TYW1: variants seen among roughly 807,000 people sequenced by gnomAD.
The protein encoded by TYW1 is tRNA-yW synthesizing protein 1 homolog.
TYW1 carries 46 observed loss-of-function variants against 96.2 expected under a neutral mutation model. The ratio of observed to expected loss-of-function variants is 0.48; its 90% CI spans 0.38 to 0.61. TYW1 has a LOEUF of 0.61. Among genes scored for constraint, TYW1 ranks in the 20% least tolerant of loss-of-function variants. The pLI, the probability that TYW1 is intolerant of heterozygous loss-of-function variation, is 0.00. For synonymous variants in TYW1, 274 were observed against 323.0 expected, an observed-to-expected ratio of 0.85 and a Z score of 1.63; for missense variants, 684 against 909.6, an observed-to-expected ratio of 0.75 and a Z score of 3.19.
rs1801814366 is a variant in TYW1 at position 67,234,089 on chromosome 7, A to G, written c.1978-4219A>G. On this transcript the variant is annotated intron_variant, in intron 15 of 15. Coordinates refer to ENST00000359626, the MANE Select transcript of TYW1 (RefSeq NM_018264.4). Reference sequence around the variant, plus strand: ...GGGCTGGGTGCGGTGGCTCATGCCTATGATCCTAGCATTTTGGGAGATCAA... The same window carrying G: ...GGGCTGGGTGCGGTGGCTCATGCCTGTGATCCTAGCATTTTGGGAGATCAA... 1.5e-5 allele frequency among the ~76,000 whole-genome samples: 2 copies of G among 135,484 alleles called. 1 individual carries two copies. The highest frequency in any genetic ancestry group is 5.9e-5 in the African/African-American group (2 of 33,898). 88.9% of individuals were successfully genotyped at this position (135,484 alleles called of 152,430 possible).
At position 67,239,481 on chromosome 7, in the gene TYW1, A is replaced by G. The variant is rs1287939673; in HGVS notation, c.*952A>G. ...AGTTCTTTTAACAGTCTTTTATGCA[A>G]AAATTGAATTAATAAAATAATCTTT... On this transcript the variant is annotated 3_prime_UTR_variant, in exon 16 of 16. Coordinates refer to ENST00000359626, the MANE Select transcript of TYW1 (RefSeq NM_018264.4). 1 of 840,414 alleles carries G rather than the reference A, an allele frequency of 1.2e-6. No homozygotes were observed. The highest frequency in any genetic ancestry group is 1.4e-6 in the Non-Finnish European group (1 of 698,004). The allele number at this position is 840,414 out of a possible 1,614,324, so 52.1% of individuals were successfully genotyped here. A position where few individuals can be genotyped will look rare whatever the true frequency, so the allele number is the denominator to read the frequency against.
chr7:67,065,757 T>A lies in TYW1; in HGVS notation c.1156-1528T>A, dbSNP rs190912019. Among the ~76,000 whole-genome samples, 483 of 152,220 alleles carry A rather than the reference T, an allele frequency of 3.2e-3. 2 individuals are homozygous for A. Among genetic ancestry groups the A allele is most frequent in the Non-Finnish European group, 4.7e-3 (319 of 68,014 alleles). On this transcript the variant is annotated intron_variant, in intron 9 of 15. Transcript: ENST00000359626. Reference sequence around the variant, plus strand: ...TTCATTGTGGACAGGCTTATATTAATAACAGTACTTTGGGAGGTCGAGGTG... The same window carrying A: ...TTCATTGTGGACAGGCTTATATTAAAAACAGTACTTTGGGAGGTCGAGGTG...
At chr7:67,030,806 G>A (rs1221103110) in intron 7 of TYW1, among the ~76,000 whole-genome samples, 1 of 151,942 alleles carries the variant, frequency 6.6e-6, no homozygotes, top group Admixed American at 6.6e-5. Context: ...CCAAAAAGAC[G>A]TAGGAACCAA....
chr7:67,184,648 T>TTTTATTTATG (rs1799954820), intron 14 of TYW1, among the ~76,000 whole-genome samples: 1 of 44,338 alleles, frequency 2.3e-5, no homozygotes, highest in African/African-American at 1.0e-4. Flanking sequence ...TTTTATTTTA[T>TTTTATTTATG]TTATGTTATG....
At chr7:67,229,117 C>T (rs929722159) in intron 15 of TYW1, among the ~76,000 whole-genome samples, 18 of 152,174 alleles carry the variant, frequency 1.2e-4, no homozygotes, top group East Asian at 1.9e-4. Flanking sequence ...AAAAAGCTTT[C>T]GGCTCCCCTC....
chr7:67,235,151 A>G (rs77634321), intron 15 of TYW1, among the ~76,000 whole-genome samples: 4,334 of 152,256 alleles, frequency 0.028, 73 homozygotes, highest in Non-Finnish European at 0.041. Context: ...GAGTATGGTC[A>G]TCTCTTGTCT....
At chr7:67,182,906 T>C (rs1312200897) in intron 13 of TYW1, among the ~76,000 whole-genome samples, 1 of 151,540 alleles carries the variant, frequency 6.6e-6, no homozygotes, top group Non-Finnish European at 1.5e-5. Flanking sequence ...GAAGAGAAAA[T>C]AAATATGTCA....
chr7:67,156,476 T>C (rs2116194003), intron 13 of TYW1, among the ~76,000 whole-genome samples: 1 of 152,344 alleles, frequency 6.6e-6, no homozygotes, highest in Admixed American at 6.5e-5. Context: ...TTGCTACTGG[T>C]GACTGTGGCC....
chr7:67,005,965 C>A (rs111332219), intron 3 of TYW1, among the ~76,000 whole-genome samples: 47 of 152,256 alleles, frequency 3.1e-4, no homozygotes, highest in African/African-American at 1.1e-3. Flanking sequence ...CATGGTTCTC[C>A]CAGTTCCTTT....
At chr7:67,149,728 A>G (rs1014201724) in intron 13 of TYW1, among the ~76,000 whole-genome samples, 4 of 118,282 alleles carry the variant, frequency 3.4e-5, no homozygotes, top group Non-Finnish European at 7.2e-5. Context: ...AAAAATATCT[A>G]TCTATCTATC....
chr7:67,063,577 A>G (rs992309363), intron 9 of TYW1, among the ~76,000 whole-genome samples: 11 of 151,752 alleles, frequency 7.2e-5, no homozygotes, highest in African/African-American at 2.4e-4. Context: ...TACAGGATAC[A>G]ATATCAAAGC....
At chr7:67,102,312 A>G (rs1367945234) in intron 12 of TYW1, among the ~76,000 whole-genome samples, 1 of 152,212 alleles carries the variant, frequency 6.6e-6, no homozygotes, top group Non-Finnish European at 1.5e-5. Flanking sequence ...GGTAGATGTT[A>G]TCGAGTCTCT....
chr7:67,011,003 G>A (rs1793778231), intron 4 of TYW1, among the ~76,000 whole-genome samples: 1 of 152,120 alleles, frequency 6.6e-6, no homozygotes, highest in African/African-American at 2.4e-5. Flanking sequence ...CGGAATCAGA[G>A]AAATCTCTTA....
At chr7:67,131,989 C>A (rs10232929) in intron 13 of TYW1, among the ~76,000 whole-genome samples, 1 of 151,984 alleles carries the variant, frequency 6.6e-6, no homozygotes, top group Non-Finnish European at 1.5e-5. Context: ...TGGTGCCCAC[C>A]CAGATTGAGG....
At chr7:67,209,100 C>T (rs1408545753) in intron 15 of TYW1, among the ~76,000 whole-genome samples, 2 of 152,196 alleles carry the variant, frequency 1.3e-5, no homozygotes, top group African/African-American at 4.8e-5. Context: ...GCAAAGACCG[C>T]AATTACTTTT....
intron 14 of TYW1, among the ~76,000 whole-genome samples, chr7:67,188,021 G>A (rs1800083278): frequency 6.6e-6 from 1 of 152,132 alleles, no homozygotes; most frequent in Admixed American, 6.6e-5. Flanking sequence ...CTAAAATAGA[G>A]GAGTTTTAAA....
chr7:67,167,295 G>A (rs934646019), intron 13 of TYW1, among the ~76,000 whole-genome samples: 6 of 151,738 alleles, frequency 4.0e-5, no homozygotes, highest in East Asian at 3.9e-4. Context: ...CGGTGAAACC[G>A]CGTCTCTACT....
chr7:67,006,941 T>G (rs1793613090), intron 3 of TYW1, among the ~76,000 whole-genome samples: 2 of 124,172 alleles, frequency 1.6e-5, no homozygotes, highest in Admixed American at 9.6e-5. Flanking sequence ...TAGGGAGAGA[T>G]GTGAGGCTTT....
intron 13 of TYW1, among the ~76,000 whole-genome samples, chr7:67,155,791 G>GT (rs1181642396): frequency 6.6e-6 from 1 of 152,104 alleles, no homozygotes; most frequent in Non-Finnish European, 1.5e-5. Flanking sequence ...CTTCCTCATC[G>GT]TTCTTGTGTC....
Sources: allele counts gnomAD v4.1 joint callset (sites outside exome capture counted in the v4.1 genomes callset), GRCh38; gene constraint gnomAD v4.1.1; transcripts MANE v1.5; gene names NCBI Gene and HGNC (gene_info 2026-07-23, HGNC 2026-07-21).